The following THSD7A variants were observed in gnomAD, a reference collection of about 807,000 sequenced individuals.
The protein encoded by THSD7A is thrombospondin type-1 domain-containing protein 7A.
In THSD7A, 96 loss-of-function variants were observed where a neutral mutation model predicts 231.3. That is an observed-to-expected ratio of 0.41 (90% CI 0.35 to 0.49). THSD7A has a LOEUF of 0.49. Ranked by LOEUF, THSD7A falls within the 20% of genes least tolerant of loss-of-function variation. The pLI is 0.05. For missense variants in THSD7A, 2,290 were observed against 2,070.2 expected, an observed-to-expected ratio of 1.11 and a Z score of -2.06; for synonymous variants, 940 against 743.3, an observed-to-expected ratio of 1.26 and a Z score of -4.30.
chr7:11,519,111 T>C (rs891959104), intron 6 of THSD7A, among the ~76,000 whole-genome samples: 1 of 152,182 alleles, frequency 6.6e-6, no homozygotes, highest in Non-Finnish European at 1.5e-5. Context: ...AATTTTTTGG[T>C]TTATATATAA....
intron 2 of THSD7A, among the ~76,000 whole-genome samples, chr7:11,603,002 G>A (rs1273839757): frequency 6.6e-6 from 1 of 150,970 alleles, no homozygotes; most frequent in Non-Finnish European, 1.5e-5. Context: ...AAAAGCAATG[G>A]CAACAAAAGA....
intron 1 of THSD7A, among the ~76,000 whole-genome samples, chr7:11,773,050 C>A (rs942209701): frequency 6.6e-6 from 1 of 151,960 alleles, no homozygotes; most frequent in African/African-American, 2.4e-5. Flanking sequence ...GAATGAAGAG[C>A]CTAAGAAACC....
At chr7:11,540,460 G>T (rs1789097239) in intron 6 of THSD7A, among the ~76,000 whole-genome samples, 1 of 152,218 alleles carries the variant, frequency 6.6e-6, no homozygotes, top group African/African-American at 2.4e-5. Context: ...GTTACCAGAT[G>T]TTCCAGTACC....
At position 11,665,778 on chromosome 7, in the gene THSD7A, G is replaced by T. The variant is rs528143280; in HGVS notation, c.191-28817C>A. Among the ~76,000 whole-genome samples, 111 of 152,022 alleles carry T rather than the reference G, an allele frequency of 7.3e-4. 1 individual carries two copies. The highest frequency in any genetic ancestry group is 2.5e-3 in the African/African-American group (104 of 41,466). ...GGACCAAAAGCTTGTACAATTTGGG[G>T]GCCCCCTCAGAAAAAAGAACGTAAA... On this transcript the variant is annotated intron_variant, in intron 1 of 27. Coordinates refer to ENST00000423059, the MANE Select transcript of THSD7A (RefSeq NM_015204.3).
chr7:11,466,550 A>C (rs1785713715), intron 9 of THSD7A, among the ~76,000 whole-genome samples: 1 of 152,154 alleles, frequency 6.6e-6, no homozygotes, highest in Non-Finnish European at 1.5e-5. Context: ...AGTCTTTAAA[A>C]AATTTTTATT....
chr7:11,721,114 T>G (rs1237307111), intron 1 of THSD7A, among the ~76,000 whole-genome samples: 1 of 151,870 alleles, frequency 6.6e-6, no homozygotes, highest in Non-Finnish European at 1.5e-5. Context: ...AACTCCACTT[T>G]CTACTTGTAA....
At position 11,412,656 on chromosome 7, in the gene THSD7A, C is replaced by CTGTT; in HGVS notation, c.3678_3681dup (p.Asp1228AsnfsTer10). Reference sequence around the variant, plus strand: ...CGTGATCAGATGATGATCCATGTACCTGTTACATTATAATCATAGTGGTAG... The same window carrying CTGTT: ...CGTGATCAGATGATGATCCATGTACCTGTTTGTTACATTATAATCATAGTGGTAG... On this transcript the variant is annotated frameshift_variant and splice_region_variant, in exon 18 of 28. Coordinates refer to ENST00000423059, the MANE Select transcript of THSD7A (RefSeq NM_015204.3). LOFTEE classifies it high-confidence loss of function. 6.2e-7 allele frequency: 1 copy of CTGTT among 1,613,654 alleles called. No homozygotes were observed. Among genetic ancestry groups the CTGTT allele is most frequent in the Non-Finnish European group, 8.5e-7 (1 of 1,179,696 alleles).
intron 4 of THSD7A, among the ~76,000 whole-genome samples, chr7:11,565,447 C>A (rs536917213): frequency 6.6e-6 from 1 of 152,054 alleles, no homozygotes; most frequent in Non-Finnish European, 1.5e-5. Context: ...TGTTGTCATG[C>A]GAAGAATTGA....
intron 23 of THSD7A, among the ~76,000 whole-genome samples, chr7:11,391,024 G>A (rs1782959705): frequency 6.6e-6 from 1 of 152,116 alleles, no homozygotes; most frequent in Non-Finnish European, 1.5e-5. Flanking sequence ...TTTATGAAGT[G>A]TCTTTTGTCC....
At chr7:11,396,450 A>C (rs1339747811) in intron 23 of THSD7A, among the ~76,000 whole-genome samples, 4 of 152,204 alleles carry the variant, frequency 2.6e-5, no homozygotes, top group African/African-American at 9.7e-5. Flanking sequence ...GATAAAGGGG[A>C]TATCATCACC....
At chr7:11,812,483 G>A (rs755517667) in intron 1 of THSD7A, among the ~76,000 whole-genome samples, 60 of 152,160 alleles carry the variant, frequency 3.9e-4, no homozygotes, top group Admixed American at 7.9e-4. Context: ...TATCATTTAC[G>A]TCACAAAAGT....
chr7:11,783,994 G>C (rs568197779), intron 1 of THSD7A, among the ~76,000 whole-genome samples: 1 of 151,974 alleles, frequency 6.6e-6, no homozygotes, highest in South Asian at 2.1e-4. Context: ...ATACTTATTA[G>C]TTTTTTAAAT....
chr7:11,542,339 CTT>C (rs1214254486), intron 5 of THSD7A, among the ~76,000 whole-genome samples: 2 of 152,172 alleles, frequency 1.3e-5, no homozygotes, highest in Non-Finnish European at 2.9e-5. Flanking sequence ...GAAGACTGGT[CTT>C]TGAAACAAAA....
At chr7:11,647,472 A>G (rs1229213512) in intron 1 of THSD7A, among the ~76,000 whole-genome samples, 1 of 152,066 alleles carries the variant, frequency 6.6e-6, no homozygotes. Context: ...TTTCGACTTA[A>G]GCCTCTAATA....
chr7:11,740,040 A>C (rs955869005), intron 1 of THSD7A, among the ~76,000 whole-genome samples: 5 of 152,020 alleles, frequency 3.3e-5, no homozygotes, highest in African/African-American at 1.2e-4. Context: ...GGGAGGAAGA[A>C]ACTTTTATTC....
chr7:11,376,603 A>G lies in THSD7A; in HGVS notation c.4856T>C (p.Leu1619Pro), dbSNP rs1166564950. The change falls in exon 27 of 28, where the codon CTC becomes CCC. Residue 1619 changes from leucine (L) to proline (P), a missense_variant. By Grantham distance (98) the Leu-to-Pro change is moderately conservative. Coordinates refer to ENST00000423059, the MANE Select transcript of THSD7A (RefSeq NM_015204.3). Reference protein sequence around the residue: ...YGVAAGAFVLLIFIVSMIYLA... With the variant: ...YGVAAGAFVLPIFIVSMIYLA... Reference sequence around the variant, plus strand: ...ATAAATCATGGAGACAATAAAGATGAGTAACACAAATGCCCCAGCTGCTAC... The same window carrying G: ...ATAAATCATGGAGACAATAAAGATGGGTAACACAAATGCCCCAGCTGCTAC... 3 of 1,588,432 alleles carry G rather than the reference A, an allele frequency of 1.9e-6. No individual in the cohort carries two copies. The highest frequency in any genetic ancestry group is 2.6e-6 in the Non-Finnish European group (3 of 1,166,582).
intron 11 of THSD7A, among the ~76,000 whole-genome samples, chr7:11,454,277 T>C (rs1785233630): frequency 6.6e-6 from 1 of 151,842 alleles, no homozygotes; most frequent in South Asian, 2.1e-4. Flanking sequence ...ATTTCTCTTT[T>C]TCCTCTCTCT....
At chr7:11,579,159 ATT>A (rs759104604) in intron 4 of THSD7A, among the ~76,000 whole-genome samples, 1 of 152,094 alleles carries the variant, frequency 6.6e-6, no homozygotes, top group South Asian at 2.1e-4. Context: ...TTCTTTTCCC[ATT>A]GCTATTCTCC....
Position 11,831,799 on chromosome 7 carries a change from G to C in THSD7A, c.148C>G (p.Gln50Glu), listed in dbSNP as rs770213037. ...LRPGAGRAAA[Q>E]GEAEAPTLYL... is the part of the protein sequence containing the mutation. ...AGGGTGGGCGCCTCCGCCTCGCCCT[G>C]CGCCGCAGCCCTGCCGGCGCCCGGG... Residue 50 changes from glutamine (Q) to glutamate (E), a missense_variant, in exon 1 of 28, where the codon CAG (glutamine) becomes GAG (glutamate). By Grantham distance (29) the Gln-to-Glu change is conservative. Coordinates refer to ENST00000423059, the MANE Select transcript of THSD7A (RefSeq NM_015204.3). This position sits in a 1 kb window ranked among gnomAD's most constrained non-coding sequence, Gnocchi z 5.0. The C allele has an allele frequency of 1.6e-5, 24 of 1,470,498 alleles. No individual in the cohort carries two copies. Among genetic ancestry groups the C allele is most frequent in the Non-Finnish European group, 2.1e-5 (23 of 1,107,770 alleles). The allele number at this position is 1,470,498 out of a possible 1,614,324, so 91.1% of individuals were successfully genotyped here.
Sources: allele counts gnomAD v4.1 joint callset (sites outside exome capture counted in the v4.1 genomes callset), GRCh38; gene constraint gnomAD v4.1.1; non-coding constraint Gnocchi (gnomAD v3.1); transcripts MANE v1.5; gene names NCBI Gene and HGNC (gene_info 2026-07-23, HGNC 2026-07-21).